PLXNA4: variants seen among roughly 807,000 people sequenced by gnomAD.
PLXNA4 encodes plexin-A4.
Under a neutral mutation model 191.8 loss-of-function variants are expected in PLXNA4, and 44 were observed. The observed-to-expected ratio is 0.23, with a 90% CI of 0.18 to 0.29. The LOEUF is 0.29. Among genes scored for constraint, PLXNA4 ranks in the 10% least tolerant of loss-of-function variants. PLXNA4 has a pLI of 1.00. For missense variants in PLXNA4, 1,800 were observed against 2,488.8 expected (o/e 0.72, Z 5.89); for synonymous variants, 1,082 against 1,009.5 (o/e 1.07, Z -1.36).
At chr7:132,218,151 T>C (rs1181579224) in intron 9 of PLXNA4, among the ~76,000 whole-genome samples, 2 of 152,206 alleles carry the variant, frequency 1.3e-5, no homozygotes. Context: ...TAGGACTTTC[T>C]CGGCCTTGCC....
At chr7:132,630,144 C>G (rs1803463935) in intron 2 of PLXNA4, among the ~76,000 whole-genome samples, 1 of 152,194 alleles carries the variant, frequency 6.6e-6, no homozygotes. Flanking sequence ...GCCACCTCAC[C>G]CGGCCTGGTG....
At position 132,604,728 on chromosome 7, in the gene PLXNA4, C is replaced by A. The variant is rs76613798; in HGVS notation, c.-87+41200G>T. 4.6e-3 allele frequency among the ~76,000 whole-genome samples: 698 copies of A among 151,490 alleles called. 9 individuals carry two copies. The highest frequency in any genetic ancestry group is 0.015 in the African/African-American group (631 of 41,364). On this transcript the variant is annotated intron_variant, in intron 2 of 4. Transcript: ENST00000378539. ...TACAACTACTTTGAACTAAACTTAT[C>A]ATTATTCAATAACTCATTCATTTGA...
At chr7:132,517,911 G>A (rs1383100569) in intron 1 of PLXNA4, among the ~76,000 whole-genome samples, 1 of 152,170 alleles carries the variant, frequency 6.6e-6, no homozygotes, top group Non-Finnish European at 1.5e-5. Flanking sequence ...ATGGACACAT[G>A]CTATTTGTAG....
rs1412327342 is a variant in PLXNA4, at chr7:132,124,528, A to C, written c.*5951T>G. 1 of 152,256 alleles carries C rather than the reference A, an allele frequency of 6.6e-6. No individual in the cohort carries two copies. The highest frequency in any genetic ancestry group is 1.5e-5 in the Non-Finnish European group (1 of 68,054). 9.4% of individuals were successfully genotyped at this position (152,256 alleles called of 1,614,324 possible). On this transcript the variant is annotated 3_prime_UTR_variant, in exon 32 of 32. Coordinates refer to ENST00000321063, the MANE Select transcript of PLXNA4 (RefSeq NM_020911.2). ...CTTGAGTCAAAAGATCAAAGATACTAACAAAGGAAGTTCTAATTCCAAATA... is the reference window on the plus strand; with the variant it reads ...CTTGAGTCAAAAGATCAAAGATACTCACAAAGGAAGTTCTAATTCCAAATA...
At chr7:132,485,866 T>C (rs1416840304) in intron 3 of PLXNA4, among the ~76,000 whole-genome samples, 1 of 152,176 alleles carries the variant, frequency 6.6e-6, no homozygotes, top group Non-Finnish European at 1.5e-5. Flanking sequence ...TCATGTGACG[T>C]GTGCACTAAA....
intron 17 of PLXNA4, 65 bp from the exon 18 acceptor site, chr7:132,181,685 A>T: frequency 1.3e-6 from 2 of 1,584,462 alleles, no homozygotes; most frequent in Non-Finnish European, 1.7e-6. Flanking sequence ...CCCAGTGCAC[A>T]TAGTGGGCCT....
chr7:132,402,842 G>A (rs1294868880), intron 3 of PLXNA4, among the ~76,000 whole-genome samples: 3 of 152,240 alleles, frequency 2.0e-5, no homozygotes, highest in Non-Finnish European at 4.4e-5. Context: ...CAGAAACTGC[G>A]TGTCCTTGAC....
chr7:132,159,783 TC>T, intron 24 of PLXNA4, 151 bp from the exon 25 acceptor site: 1 of 1,346,278 alleles, frequency 7.4e-7, no homozygotes. Flanking sequence ...CCATCTGTGC[TC>T]CCACCAAGCC....
At position 132,174,923 on chromosome 7, in the gene PLXNA4, G is replaced by A. The variant is rs1796408681; in HGVS notation, c.3875-3C>T. Reference sequence around the variant, plus strand: ...GTCCGTCTGCAGCTCGGCAAAGGCTGGCACGAAGAGAAGCCTGTGAGATGG... The same window carrying A: ...GTCCGTCTGCAGCTCGGCAAAGGCTAGCACGAAGAGAAGCCTGTGAGATGG... On this transcript the variant is annotated splice_region_variant and splice_polypyrimidine_tract_variant and intron_variant, in intron 20 of 31. Transcript: ENST00000321063. 6.2e-7 allele frequency: 1 copy of A among 1,613,794 alleles called. No individual in the cohort carries two copies. The highest frequency in any genetic ancestry group is 1.1e-5 in the South Asian group (1 of 91,064).
chr7:132,326,711 T>G (rs1236108405), intron 3 of PLXNA4, among the ~76,000 whole-genome samples: 1 of 152,186 alleles, frequency 6.6e-6, no homozygotes, highest in Non-Finnish European at 1.5e-5. Context: ...AACACATCTC[T>G]GTGCCCTCAC....
rs138001566 is a variant in PLXNA4 at position 132,287,570 on chromosome 7, C to G, written c.1503+10521G>C. Among the ~76,000 whole-genome samples, 372 of 152,290 alleles carry G rather than the reference C, an allele frequency of 2.4e-3. 3 individuals carry two copies. The highest frequency in any genetic ancestry group is 8.5e-3 in the African/African-American group (352 of 41,566). On this transcript the variant is annotated intron_variant, in intron 4 of 31. Transcript: ENST00000321063. ...AGTCCGTGATCTGTTCATGACCCCC[C>G]CCGGAGCCTCCATCCTGCACATGCT...
intron 1 of PLXNA4, among the ~76,000 whole-genome samples, chr7:132,534,868 AT>A (rs1395539585): frequency 6.6e-6 from 1 of 152,188 alleles, no homozygotes; most frequent in Admixed American, 6.5e-5. Flanking sequence ...CGGCGCCCCC[AT>A]TCCTTAACCT....
intron 2 of PLXNA4, among the ~76,000 whole-genome samples, chr7:132,590,501 T>C (rs1802587977): frequency 6.6e-6 from 1 of 152,160 alleles, no homozygotes; most frequent in South Asian, 2.1e-4. Context: ...AAGCCGACAG[T>C]GCAGCCTCCA....
intron 3 of PLXNA4, among the ~76,000 whole-genome samples, chr7:132,342,634 A>C (rs1410313687): frequency 1.3e-5 from 2 of 152,094 alleles, no homozygotes; most frequent in Admixed American, 1.3e-4. Context: ...CTGGGCCACT[A>C]TATGTTTTCC....
At chr7:132,265,833 G>T in intron 4 of PLXNA4, among the ~76,000 whole-genome samples, 1 of 152,156 alleles carries the variant, frequency 6.6e-6, no homozygotes, top group East Asian at 1.9e-4. Context: ...AGTGCAGGAT[G>T]GGGGTCCCAA....
At chr7:132,368,278 C>T (rs1460998380) in intron 3 of PLXNA4, among the ~76,000 whole-genome samples, 1 of 152,086 alleles carries the variant, frequency 6.6e-6, no homozygotes, top group African/African-American at 2.4e-5. Context: ...AGTGTTTTTC[C>T]TTTAGGTTAA....
At chr7:132,302,090 C>T (rs1801329088) in intron 3 of PLXNA4, among the ~76,000 whole-genome samples, 1 of 152,140 alleles carries the variant, frequency 6.6e-6, no homozygotes, top group Non-Finnish European at 1.5e-5. Context: ...TAATGAGTCT[C>T]CATGGGACTT....
intron 1 of PLXNA4, among the ~76,000 whole-genome samples, chr7:132,647,407 ACT>A (rs1190122946): frequency 7.2e-5 from 11 of 152,120 alleles, no homozygotes; most frequent in Non-Finnish European, 1.6e-4. Flanking sequence ...TCAAGCACAC[ACT>A]GTCATACAAT....
At chr7:132,490,000 G>A (rs1797723216) in intron 2 of PLXNA4, among the ~76,000 whole-genome samples, 1 of 152,228 alleles carries the variant, frequency 6.6e-6, no homozygotes. Context: ...GTAGACTAGG[G>A]AACTGAAAAC....
Sources: gnomAD v4.1 joint callset for allele counts (sites outside exome capture counted in the v4.1 genomes callset) on GRCh38, gnomAD v4.1.1 for gene constraint, MANE v1.5 for transcripts, NCBI Gene and HGNC (gene_info 2026-07-23, HGNC 2026-07-21) for gene names.